The following RGS5 variants were observed in gnomAD, a reference collection of about 807,000 sequenced individuals.
RGS5 encodes the protein regulator of G-protein signalling 5.
RGS5 carries 20 observed loss-of-function variants against 18.9 expected under a neutral mutation model. That is an observed-to-expected ratio of 1.06 (90% confidence interval 0.74 to 1.54). The LOEUF is 1.54. Ranked by LOEUF, RGS5 falls within the 40% of genes most tolerant of loss-of-function variation. RGS5 has a pLI of 0.00. For synonymous variants in RGS5, 57 were observed against 76.2 expected, an observed-to-expected ratio of 0.75 and a Z score of 1.31; for missense variants, 201 against 211.8, an observed-to-expected ratio of 0.95 and a Z score of 0.32.
intron 1 of RGS5, among the ~76,000 whole-genome samples, chr1:163,179,841 G>A (rs1658728858): frequency 6.6e-6 from 1 of 152,140 alleles, no homozygotes; most frequent in Non-Finnish European, 1.5e-5. Context: ...TCAATGCCTT[G>A]TGAATGGCAC....
At chr1:163,201,299 T>C (rs981078418) in intron 1 of RGS5, among the ~76,000 whole-genome samples, 1 of 152,264 alleles carries the variant, frequency 6.6e-6, no homozygotes, top group South Asian at 2.1e-4. Context: ...CACAGAAAAC[T>C]TTCCCTATTT....
intron 2 of RGS5, among the ~76,000 whole-genome samples, chr1:163,231,529 T>A (rs1008442733): frequency 6.6e-6 from 1 of 152,182 alleles, no homozygotes; most frequent in African/African-American, 2.4e-5. Context: ...TTAACAATAG[T>A]AAACTAAACA....
intron 2 of RGS5, among the ~76,000 whole-genome samples, chr1:163,163,543 T>C (rs1657902613): frequency 6.6e-6 from 1 of 152,198 alleles, no homozygotes; most frequent in African/African-American, 2.4e-5. Context: ...TTCTTGTTCA[T>C]TTTATTTCTA....
intron 2 of RGS5, among the ~76,000 whole-genome samples, chr1:163,250,814 T>C (rs1648087573): frequency 6.6e-6 from 1 of 152,182 alleles, no homozygotes; most frequent in African/African-American, 2.4e-5. Flanking sequence ...GTCTGAGCAG[T>C]TGGAATTTAT....
intron 1 of RGS5, among the ~76,000 whole-genome samples, chr1:163,190,599 C>T (rs1659302934): frequency 6.6e-6 from 1 of 152,014 alleles, no homozygotes; most frequent in South Asian, 2.1e-4. Flanking sequence ...TAGACAATAC[C>T]CTATAAACAG....
chr1:163,198,707 C>T (rs1659664783), intron 1 of RGS5, among the ~76,000 whole-genome samples: 1 of 152,144 alleles, frequency 6.6e-6, no homozygotes, highest in Non-Finnish European at 1.5e-5. Context: ...TCATAGCTCA[C>T]TATAGCCTCA....
intron 2 of RGS5, among the ~76,000 whole-genome samples, chr1:163,259,516 T>C (rs781141030): frequency 2.6e-5 from 4 of 152,044 alleles, no homozygotes; most frequent in African/African-American, 4.8e-5. Flanking sequence ...GACAGATCCA[T>C]AAACAACTCA....
intron 1 of RGS5, among the ~76,000 whole-genome samples, chr1:163,189,852 C>T (rs974792041): frequency 3.9e-5 from 6 of 152,026 alleles, no homozygotes; most frequent in African/African-American, 9.7e-5. Context: ...TCTCATGCAC[C>T]GTGGTACCAA....
Position 163,244,529 on chromosome 1 carries a change from A to G in RGS5, c.-281+61704T>C, listed in dbSNP as rs896225118. The G allele has an allele frequency of 1.2e-4, 18 of 152,186 alleles. 1 individual carries two copies. The highest frequency in any genetic ancestry group is 1.2e-3 in the Admixed American group (18 of 15,278). 9.4% of individuals were successfully genotyped at this position (152,186 alleles called of 1,614,324 possible). On this transcript the variant is annotated intron_variant, in intron 2 of 5. Coordinates refer to the RGS5 transcript ENST00000618415. The stretch of plus-strand genomic sequence containing the variant: ...ATTACAAGTGATTTTTTTATTTTTT[A>G]TCTTGGCAGATGTTAAAAAACAACA...
chr1:163,272,237 AC>A (rs1325011715), intron 2 of RGS5, among the ~76,000 whole-genome samples: 1 of 151,868 alleles, frequency 6.6e-6, no homozygotes, highest in Non-Finnish European at 1.5e-5. Context: ...GTCTATGCCT[AC>A]CTTTTGCCTA....
At chr1:163,164,072 G>A (rs1419322103) in intron 2 of RGS5, among the ~76,000 whole-genome samples, 2 of 152,148 alleles carry the variant, frequency 1.3e-5, no homozygotes, top group African/African-American at 2.4e-5. Context: ...AGCCCGCTTG[G>A]GGGTGAAATT....
At position 163,180,056 on chromosome 1, in the gene RGS5, T is replaced by G. The variant is rs1361768452; in HGVS notation, c.45-11688A>C. 3.3e-5 allele frequency among the ~76,000 whole-genome samples: 5 copies of G among 152,326 alleles called. No individual in the cohort carries two copies. The East Asian group carries it at 9.6e-4, about 29-fold the overall frequency. ...TTTATTTTTTGAGACAGGGTCTCAC[T>G]CTGTCACCCAGATTGGAGTGCAGTG... On this transcript the variant is annotated intron_variant, in intron 1 of 4. Coordinates refer to ENST00000313961, the MANE Select transcript of RGS5 (RefSeq NM_003617.4).
At chr1:163,315,943 AAACTATGTAAGGTT>A (rs1446777549) in intron 1 of RGS5, among the ~76,000 whole-genome samples, 3 of 152,182 alleles carry the variant, frequency 2.0e-5, no homozygotes, top group Non-Finnish European at 4.4e-5. Context: ...TAAAACTTTC[AAACTATGTAAGGTT>A]AACACTAATG....
intron 1 of RGS5, among the ~76,000 whole-genome samples, chr1:163,186,862 G>C (rs1659111492): frequency 6.6e-6 from 1 of 151,934 alleles, no homozygotes; most frequent in East Asian, 1.9e-4. Flanking sequence ...TTAGAGAAAG[G>C]GGAAAAAAAT....
chr1:163,248,687 T>C (rs1238849608), intron 2 of RGS5: 1 of 152,150 alleles, frequency 6.6e-6, no homozygotes, highest in African/African-American at 2.4e-5. Flanking sequence ...ACTTGTCTTC[T>C]CCTTAGCACT....
intron 2 of RGS5, among the ~76,000 whole-genome samples, chr1:163,239,566 C>T (rs1480486378): frequency 6.6e-6 from 1 of 151,398 alleles, no homozygotes; most frequent in African/African-American, 2.4e-5. Context: ...AACTGGTGTC[C>T]ATTAAAAGGC....
chr1:163,313,245 A>T (rs531317361), intron 1 of RGS5, among the ~76,000 whole-genome samples: 29 of 152,312 alleles, frequency 1.9e-4, no homozygotes, highest in South Asian at 4.1e-4. Flanking sequence ...CTTTAAAAAA[A>T]ATTAATCCTC....
chr1:163,219,191 C>T (rs200067992), upstream of RGS5, among the ~76,000 whole-genome samples: 26 of 152,250 alleles, frequency 1.7e-4, 1 homozygote, highest in East Asian at 2.7e-3. Context: ...TTAACACACT[C>T]GTACAACCAG....
At chr1:163,190,976 T>C (rs1169566823) in intron 1 of RGS5, among the ~76,000 whole-genome samples, 1 of 147,860 alleles carries the variant, frequency 6.8e-6, no homozygotes, top group African/African-American at 2.5e-5. Context: ...GTTTGAAAGG[T>C]GATTGGATCA....
Sources: allele counts gnomAD v4.1 joint callset (sites outside exome capture counted in the v4.1 genomes callset), GRCh38; gene constraint gnomAD v4.1.1; transcripts MANE v1.5; gene names NCBI Gene and HGNC (gene_info 2026-07-23, HGNC 2026-07-21).